SHISA3: variants seen among roughly 807,000 people sequenced by gnomAD.
SHISA3 encodes protein shisa-3 homolog.
A neutral mutation model predicts 19.2 loss-of-function variants in SHISA3; 15 were observed. The ratio of observed to expected loss-of-function variants is 0.78; its 90% CI spans 0.52 to 1.20. The LOEUF (loss-of-function observed/expected upper bound fraction) is 1.20. Among genes scored for constraint, SHISA3 ranks in the 50% most tolerant of loss-of-function variants. SHISA3 has a pLI of 0.00. For missense variants in SHISA3, 327 were observed against 315.7 expected, an observed-to-expected ratio of 1.04 and a Z score of -0.27; for synonymous variants, 145 against 135.2, an observed-to-expected ratio of 1.07 and a Z score of -0.50.
chr4:42,401,230 A>ACGAGCT lies in SHISA3; in HGVS notation c.498_503dup (p.Ser169_Ser170dup). 1 of 1,614,188 alleles carries ACGAGCT rather than the reference A, an allele frequency of 6.2e-7. No homozygotes were observed. Among genetic ancestry groups the ACGAGCT allele is most frequent in the Non-Finnish European group, 8.5e-7 (1 of 1,180,022 alleles). On this transcript the variant is annotated inframe_insertion, in exon 2 of 2. Transcript: ENST00000319234. ...ACCCTCCCGGCAGTCCAGCACAGCC[A>ACGAGCT]CGAGCTCCAGCTCCACAGGCGGCTC...
Position 42,402,118 on chromosome 4 carries a change from T to G in SHISA3, c.*667T>G, listed in dbSNP as rs1205034181. ...CAGACATTCATTGTAACACAGAGTGTATGTAAAATCATTTCCCCCACTCAC... is the reference window on the plus strand; with the variant it reads ...CAGACATTCATTGTAACACAGAGTGGATGTAAAATCATTTCCCCCACTCAC... On this transcript the variant is annotated 3_prime_UTR_variant, in exon 2 of 2. Transcript: ENST00000319234. 6.6e-6 allele frequency: 1 copy of G among 152,230 alleles called. No individual in the cohort carries two copies. Among genetic ancestry groups the G allele is most frequent in the Non-Finnish European group, 1.5e-5 (1 of 68,036 alleles). 9.4% of individuals were successfully genotyped at this position (152,230 alleles called of 1,614,324 possible).
Position 42,398,222 on chromosome 4 carries a change from T to C in SHISA3, c.166T>C (p.Cys56Arg). Residue 56 changes from cysteine (C) to arginine (R), a missense_variant, in exon 1 of 2, where the codon TGC (cysteine) becomes CGC (arginine). Physicochemically the swap from Cys to Arg is radical, Grantham distance 180. Coordinates refer to ENST00000319234, the MANE Select transcript of SHISA3 (RefSeq NM_001080505.3). ...CTTCGACACGCTGGACGCTACCATC[T>C]GCTGCGGCTCCTGCGCGCTCCGCTA... ...EDFDTLDATI[C>R]CGSCALRYCC... 2 of 1,595,006 alleles carry C rather than the reference T, an allele frequency of 1.3e-6. No individual in the cohort carries two copies. Among genetic ancestry groups the C allele is most frequent in the Non-Finnish European group, 1.7e-6 (2 of 1,171,078 alleles).
chr4:42,398,329 T>G lies in SHISA3; in HGVS notation c.273T>G (p.Thr91=). ...DRRELEHPGI[T]AQPVYVPFLI... is the part of the protein sequence containing the mutation. ...GCGAACTGGAGCACCCAGGCATCAC[T>G]GCGCGTAAGTGCGGGGCCCTCGGGG... Residue 91 remains threonine, a synonymous_variant, in exon 1 of 2, where the codon ACT becomes ACG. Transcript: ENST00000319234. The G allele has an allele frequency of 6.5e-7, 1 of 1,546,688 alleles. No homozygotes were observed. Among genetic ancestry groups the G allele is most frequent in the Non-Finnish European group, 8.7e-7 (1 of 1,148,220 alleles).
rs1005103937 is a variant in SHISA3, at chr4:42,398,464, C to A, written c.277+131C>A. On this transcript the variant is annotated intron_variant, in intron 1 of 1. Coordinates refer to ENST00000319234, the MANE Select transcript of SHISA3 (RefSeq NM_001080505.3). ...GGTCTGTGCGCCAGGGGGACGCGGC[C>A]GGGTGGGGGAATCAAGGGATGAGTG... The A allele has an allele frequency of 6.0e-6, 6 of 1,007,492 alleles. No individual in the cohort carries two copies. The South Asian group carries it at 8.7e-5, about 15-fold the overall frequency. 62.4% of individuals were successfully genotyped at this position (1,007,492 alleles called of 1,614,324 possible).
At chr4:42,400,591 G>T (rs1407878140) in intron 1 of SHISA3, among the ~76,000 whole-genome samples, 1 of 152,136 alleles carries the variant, frequency 6.6e-6, no homozygotes, top group Non-Finnish European at 1.5e-5. Flanking sequence ...ATGGGAGATG[G>T]ATTGCCAGCC....
chr4:42,399,965 G>C (rs937791219), intron 1 of SHISA3, among the ~76,000 whole-genome samples: 4 of 152,238 alleles, frequency 2.6e-5, no homozygotes, highest in African/African-American at 9.6e-5. Context: ...AGCTCTGTCT[G>C]TGGGAATGCG....
chr4:42,398,033 G>A lies in SHISA3; in HGVS notation c.-24G>A, dbSNP rs771129829. 2 of 1,529,532 alleles carry A rather than the reference G, an allele frequency of 1.3e-6. No individual in the cohort carries two copies. Among genetic ancestry groups the A allele is most frequent in the Admixed American group, 2.1e-5 (1 of 48,134 alleles). The allele number at this position is 1,529,532 out of a possible 1,614,324, so 94.7% of individuals were successfully genotyped here. On this transcript the variant is annotated 5_prime_UTR_variant, in exon 1 of 2. Transcript: ENST00000319234. Reference sequence around the variant, plus strand: ...CGCTTTCCAGCTGCGTCCTGCTCCCGGCCGCCCAGGGAGCCCAGTGGCGAT... The same window carrying A: ...CGCTTTCCAGCTGCGTCCTGCTCCCAGCCGCCCAGGGAGCCCAGTGGCGAT...
rs1164124127 is a variant in SHISA3, at chr4:42,398,239, G to T, written c.183G>T (p.Ala61=). 1 of 1,582,526 alleles carries T rather than the reference G, an allele frequency of 6.3e-7. No homozygotes were observed. ...LDATICCGSC[A]LRYCCAAADA... is the part of the protein sequence containing the mutation. The stretch of plus-strand genomic sequence containing the variant: ...CTACCATCTGCTGCGGCTCCTGCGC[G>T]CTCCGCTACTGTTGCGCCGCGGCCG... The change falls in exon 1 of 2, where the codon GCG becomes GCT. Residue 61 remains alanine (A), a synonymous_variant. Transcript: ENST00000319234.
chr4:42,401,019 C>T lies in SHISA3; in HGVS notation c.285C>T (p.Val95=). The change falls in exon 2 of 2, where the codon GTC becomes GTT. Residue 95 remains valine, a synonymous_variant. Transcript: ENST00000319234. ...LEHPGITAQP[V]YVPFLIVGSI... ...TCTGTTTTTGCCTTTTAGAGCCTGT[C>T]TACGTCCCCTTTCTCATCGTCGGCT... The T allele has an allele frequency of 8.7e-6, 14 of 1,613,998 alleles. No individual in the cohort carries two copies. The highest frequency in any genetic ancestry group is 1.2e-5 in the Non-Finnish European group (14 of 1,179,878).
In SHISA3 at chr4:42,401,057, C is replaced by T. The variant is rs779033014; in HGVS notation, c.323C>T (p.Ala108Val). The change falls in exon 2 of 2, where the codon GCG (alanine) becomes GTG (valine). Residue 108 changes from alanine (A) to valine (V), a missense_variant. By Grantham distance (64) the Ala-to-Val change is moderately conservative. Coordinates refer to ENST00000319234, the MANE Select transcript of SHISA3 (RefSeq NM_001080505.3). ...CTCATCGTCGGCTCCATCTTCATTG[C>T]GTTCATCATCCTGGGCTCTGTAGTG... ...PFLIVGSIFIAFIILGSVVAI... is the reference protein window; with the variant it reads ...PFLIVGSIFIVFIILGSVVAI... 3.1e-6 allele frequency: 5 copies of T among 1,614,170 alleles called. No homozygotes were observed. The highest frequency in any genetic ancestry group is 4.2e-6 in the Non-Finnish European group (5 of 1,180,038).
chr4:42,398,414 C>T (rs1711812304), intron 1 of SHISA3, 81 bp downstream of exon 1: 4 of 1,412,308 alleles, frequency 2.8e-6, no homozygotes, highest in East Asian at 5.0e-5. Context: ...ATGCACAGAC[C>T]CAGGCAGGTC....
At chr4:42,398,762 G>A (rs1216546652) in intron 1 of SHISA3, among the ~76,000 whole-genome samples, 1 of 152,188 alleles carries the variant, frequency 6.6e-6, no homozygotes. Context: ...GCCGAATGCA[G>A]GGAATCGCGA....
In SHISA3 at chr4:42,398,254, C is replaced by G; in HGVS notation, c.198C>G (p.Cys66Trp). The change falls in exon 1 of 2, where the codon TGC (cysteine) becomes TGG (tryptophan). Residue 66 changes from cysteine (C) to tryptophan (W), a missense_variant. Coordinates refer to ENST00000319234, the MANE Select transcript of SHISA3 (RefSeq NM_001080505.3). ...GCTCCTGCGCGCTCCGCTACTGTTGCGCCGCGGCCGACGCCAGGCTGGAGC... is the reference window on the plus strand; with the variant it reads ...GCTCCTGCGCGCTCCGCTACTGTTGGGCCGCGGCCGACGCCAGGCTGGAGC... ...CCGSCALRYCCAAADARLEQG... is the reference protein window; with the variant it reads ...CCGSCALRYCWAAADARLEQG... 6.4e-7 allele frequency: 1 copy of G among 1,571,940 alleles called. No individual in the cohort carries two copies. Among genetic ancestry groups the G allele is most frequent in the East Asian group, 2.4e-5 (1 of 42,232 alleles).
In SHISA3 at chr4:42,397,759, T is replaced by G; in HGVS notation, c.-298T>G. 1 of 367,612 alleles carries G rather than the reference T, an allele frequency of 2.7e-6. No homozygotes were observed. The highest frequency in any genetic ancestry group is 4.9e-6 in the Non-Finnish European group (1 of 205,060). 22.8% of individuals were successfully genotyped at this position (367,612 alleles called of 1,614,324 possible). On this transcript the variant is annotated 5_prime_UTR_variant, in exon 1 of 2. It removes an upstream start codon present in the reference 5' UTR. Transcript: ENST00000319234. ...CGCGCCCCTCGCGCGGGGAGCGCTA[T>G]GAGCCGGGCGAAGGGCGGCAGCGAC... is the stretch of plus-strand genomic sequence containing the variant.
chr4:42,402,084 A>C lies in SHISA3; in HGVS notation c.*633A>C, dbSNP rs1171744036. ...TCACATGAGGAGTTTAAAGTTTTAA[A>C]TATATACTCAGACATTCATTGTAAC... is the stretch of plus-strand genomic sequence containing the variant. On this transcript the variant is annotated 3_prime_UTR_variant, in exon 2 of 2. Coordinates refer to ENST00000319234, the MANE Select transcript of SHISA3 (RefSeq NM_001080505.3). 6.6e-6 allele frequency: 1 copy of C among 152,236 alleles called. No individual in the cohort carries two copies. The highest frequency in any genetic ancestry group is 2.4e-5 in the African/African-American group (1 of 41,456). 9.4% of individuals were successfully genotyped at this position (152,236 alleles called of 1,614,324 possible).
In SHISA3 at chr4:42,398,095, G is replaced by T. The variant is rs11733156; in HGVS notation, c.39G>T (p.Trp13Cys). 377,897 of 1,601,734 alleles carry T rather than the reference G, an allele frequency of 0.24. 45,167 individuals are homozygous for T. Among genetic ancestry groups the T allele is most frequent in the Admixed American group, 0.26 (15,080 of 58,654 alleles). Reference protein sequence around the residue: ...ALLALCLLLGWLRWGPAGAQQ... With the variant: ...ALLALCLLLGCLRWGPAGAQQ... ...TGGCGCTTTGCCTTCTCCTTGGCTGGCTGCGCTGGGGCCCGGCGGGCGCCC... is the reference window on the plus strand; with the variant it reads ...TGGCGCTTTGCCTTCTCCTTGGCTGTCTGCGCTGGGGCCCGGCGGGCGCCC... The change falls in exon 1 of 2, where the codon TGG becomes TGT. Residue 13 changes from tryptophan to cysteine, a missense_variant. Trp to Cys is a radical substitution (Grantham distance 215). Coordinates refer to ENST00000319234, the MANE Select transcript of SHISA3 (RefSeq NM_001080505.3).
intron 1 of SHISA3, among the ~76,000 whole-genome samples, chr4:42,399,538 G>A (rs1711847229): frequency 6.6e-6 from 1 of 152,224 alleles, no homozygotes; most frequent in Admixed American, 6.5e-5. Flanking sequence ...GCTGCCCTCT[G>A]GGAGTAAGTG....
chr4:42,397,550 AG>A lies in SHISA3; in HGVS notation c.-503del. ...GCTGACTCCTGCTCCTGTGACAGAT[AG>A]GGGCTGGGGCTGAGCGGCCGCCTGT... On this transcript the variant is annotated 5_prime_UTR_variant, in exon 1 of 2. Coordinates refer to ENST00000319234, the MANE Select transcript of SHISA3 (RefSeq NM_001080505.3). Among the ~76,000 whole-genome samples, 1 of 152,238 alleles carries A rather than the reference AG, an allele frequency of 6.6e-6. No individual in the cohort carries two copies.
At chr4:42,400,360 G>C (rs1465233861) in intron 1 of SHISA3, among the ~76,000 whole-genome samples, 1 of 152,190 alleles carries the variant, frequency 6.6e-6, no homozygotes, top group African/African-American at 2.4e-5. Flanking sequence ...GATGGGAATT[G>C]AGAGGCACGG....
Sources: gnomAD v4.1 joint callset for allele counts (sites outside exome capture counted in the v4.1 genomes callset) on GRCh38, gnomAD v4.1.1 for gene constraint, MANE v1.5 for transcripts, NCBI Gene and HGNC (gene_info 2026-07-23, HGNC 2026-07-21) for gene names.